The following FNDC1 variants were observed in gnomAD, a reference collection of about 807,000 sequenced individuals.
FNDC1 encodes the protein fibronectin type III domain containing 1, also known as fibronectin type III domain-containing protein 1.
FNDC1 carries 96 observed loss-of-function variants against 168.0 expected under a neutral mutation model. The ratio of observed to expected loss-of-function variants is 0.57; its 90% CI spans 0.48 to 0.68. FNDC1 has a LOEUF of 0.68. Among genes scored for constraint, FNDC1 ranks in the 30% least tolerant of loss-of-function variants. The pLI, the probability that FNDC1 is intolerant of heterozygous loss-of-function variation, is 0.00. For synonymous variants in FNDC1, 1,099 were observed against 1,025.9 expected (o/e 1.07, Z -1.36); for missense variants, 2,587 against 2,482.1 (o/e 1.04, Z -0.90).
intron 1 of FNDC1, among the ~76,000 whole-genome samples, chr6:159,172,807 G>C (rs922766583): frequency 6.6e-6 from 1 of 152,148 alleles, no homozygotes; most frequent in Non-Finnish European, 1.5e-5. Context: ...ATCCAAAAAG[G>C]CTATTGAAAT....
In FNDC1 at chr6:159,233,437, C is replaced by G. The variant is rs756383391; in HGVS notation, c.2925C>G (p.His975Gln). 6.2e-7 allele frequency: 1 copy of G among 1,610,530 alleles called. No homozygotes were observed. The highest frequency in any genetic ancestry group is 8.5e-7 in the Non-Finnish European group (1 of 1,179,210). ...CACAGCCAGGGTCCACAGACCGCCA[C>G]GCGTCCCCTGCTCGTCCGCCCGCAG... ...PKAQPGSTDR[H>Q]ASPARPPAAR... The change falls in exon 11 of 23, where the codon CAC becomes CAG. Residue 975 changes from histidine (H) to glutamine (Q), a missense_variant. Coordinates refer to ENST00000297267, the MANE Select transcript of FNDC1 (RefSeq NM_032532.3). The surrounding 1 kb of genome is among the most constrained non-coding windows in gnomAD (Gnocchi z 4.6).
At chr6:159,219,606 G>C (rs1284058835) in intron 5 of FNDC1, among the ~76,000 whole-genome samples, 2 of 152,146 alleles carry the variant, frequency 1.3e-5, no homozygotes, top group African/African-American at 4.8e-5. Context: ...ATGAAGATGC[G>C]CGCGTGAGAA....
In FNDC1 at chr6:159,232,094, A is replaced by G; in HGVS notation, c.1582A>G (p.Lys528Glu). 1 of 1,613,864 alleles carries G rather than the reference A, an allele frequency of 6.2e-7. No homozygotes were observed. Among genetic ancestry groups the G allele is most frequent in the Non-Finnish European group, 8.5e-7 (1 of 1,179,840 alleles). The change falls in exon 11 of 23, where the codon AAG becomes GAG. Residue 528 changes from lysine to glutamate, a missense_variant. Physicochemically the swap from Lys to Glu is moderately conservative, Grantham distance 56. Coordinates refer to ENST00000297267, the MANE Select transcript of FNDC1 (RefSeq NM_032532.3). This position sits in a 1 kb window ranked among gnomAD's most constrained non-coding sequence, Gnocchi z 4.9. ...GAPRKPQLRA[K>E]KAEELDLQST... The stretch of plus-strand genomic sequence containing the variant: ...GCCCCGAAAACCCCAGCTTCGCGCC[A>G]AGAAGGCAGAGGAGCTGGATCTTCA...
At chr6:159,202,392 T>C (rs1319359255) in intron 4 of FNDC1, among the ~76,000 whole-genome samples, 1 of 152,258 alleles carries the variant, frequency 6.6e-6, no homozygotes, top group Non-Finnish European at 1.5e-5. Flanking sequence ...TTGGAAAATA[T>C]GATCTGCTAT....
Position 159,180,748 on chromosome 6 carries a change from C to T in FNDC1, c.109+11043C>T, listed in dbSNP as rs571662768. Reference sequence around the variant, plus strand: ...ACATGCAGTGTTTGGTTTTCTGTTCCTGTATTAGTTTGCTGAGGATAATGG... The same window carrying T: ...ACATGCAGTGTTTGGTTTTCTGTTCTTGTATTAGTTTGCTGAGGATAATGG... On this transcript the variant is annotated intron_variant, in intron 1 of 22. Transcript: ENST00000297267. Among the ~76,000 whole-genome samples the T allele has an allele frequency of 5.3e-5, 8 of 152,166 alleles. No homozygotes were observed. The South Asian group carries it at 1.7e-3, about 32-fold the overall frequency.
rs77296931 is a variant in FNDC1, at chr6:159,250,734, C to G, written c.4835-568C>G. Reference sequence around the variant, plus strand: ...TTCAGCCATCTGTAAATGTGAGTAGCTATTGTTATACTGAGTAGTAATGTT... The same window carrying G: ...TTCAGCCATCTGTAAATGTGAGTAGGTATTGTTATACTGAGTAGTAATGTT... On this transcript the variant is annotated intron_variant, in intron 16 of 22. Transcript: ENST00000297267. Among the ~76,000 whole-genome samples, 1,439 of 152,276 alleles carry G rather than the reference C, an allele frequency of 9.4e-3. 24 individuals carry two copies. Among genetic ancestry groups the G allele is most frequent in the African/African-American group, 0.033 (1,375 of 41,522 alleles).
At chr6:159,266,760 C>T (rs958212230) in intron 21 of FNDC1, among the ~76,000 whole-genome samples, 5 of 150,538 alleles carry the variant, frequency 3.3e-5, no homozygotes, top group African/African-American at 4.9e-5. Context: ...AAAGTTTCCT[C>T]TCCAGCCCCT....
At chr6:159,224,793 A>T (rs1782917722) in intron 7 of FNDC1, among the ~76,000 whole-genome samples, 1 of 152,202 alleles carries the variant, frequency 6.6e-6, no homozygotes, top group Non-Finnish European at 1.5e-5. Flanking sequence ...TAATGTATCA[A>T]ATGCTTTCTA....
chr6:159,251,440 C>T lies in FNDC1; in HGVS notation c.4973C>T (p.Ala1658Val), dbSNP rs749349352. The change falls in exon 17 of 23, where the codon GCT becomes GTT. Residue 1658 changes from alanine to valine, a missense_variant. Physicochemically the swap from Ala to Val is moderately conservative, Grantham distance 64 (BLOSUM62 0). Transcript: ENST00000297267. Reference protein sequence around the residue: ...LKKSDLPPQHAPRNITVVAVE... With the variant: ...LKKSDLPPQHVPRNITVVAVE... ...AAGAGTGACCTGCCTCCCCAGCATG[C>T]TCCCCGCAACATCACCGTGGTGGCC... The T allele has an allele frequency of 6.2e-6, 10 of 1,613,948 alleles. No individual in the cohort carries two copies. The highest frequency in any genetic ancestry group is 5.0e-5 in the Admixed American group (3 of 60,016).
In FNDC1 at chr6:159,247,054, G is replaced by A. The variant is rs6935582; in HGVS notation, c.4690+85G>A. On this transcript the variant is annotated intron_variant, in intron 15 of 22. Transcript: ENST00000297267. ...TTGTAACTATTGAGTGGATGATCTT[G>A]ATGGAAGTTTCCTTTAGAGCTTTGG... 1,936 of 1,069,282 alleles carry A rather than the reference G, an allele frequency of 1.8e-3. 28 individuals carry two copies. In the African/African-American group the frequency reaches 0.026, roughly 15 times the overall value. 66.2% of individuals were successfully genotyped at this position (1,069,282 alleles called of 1,614,324 possible).
chr6:159,232,062 G>A lies in FNDC1; in HGVS notation c.1550G>A (p.Gly517Asp). The change falls in exon 11 of 23, where the codon GGT (glycine) becomes GAT (aspartate). Residue 517 changes from glycine to aspartate, a missense_variant. By Grantham distance (94) the Gly-to-Asp change is moderately conservative. Coordinates refer to ENST00000297267, the MANE Select transcript of FNDC1 (RefSeq NM_032532.3). The surrounding 1 kb of genome is among the most constrained non-coding windows in gnomAD (Gnocchi z 4.9). ...LDLKNKILAN[G>D]GAPRKPQLRA... ...TTGAAGAACAAAATATTGGCTAATG[G>A]TGGGGCGCCCCGAAAACCCCAGCTT... 2 of 1,613,860 alleles carry A rather than the reference G, an allele frequency of 1.2e-6. No individual in the cohort carries two copies. The highest frequency in any genetic ancestry group is 1.6e-4 in the Middle Eastern group (1 of 6,062).
chr6:159,262,457 G>C (rs2115028031), intron 19 of FNDC1, among the ~76,000 whole-genome samples: 1 of 152,342 alleles, frequency 6.6e-6, no homozygotes, highest in Admixed American at 6.5e-5. Flanking sequence ...ATATGTTTCT[G>C]TTAGTAATTA....
chr6:159,186,865 A>T (rs1227495045), intron 1 of FNDC1, among the ~76,000 whole-genome samples: 1 of 152,256 alleles, frequency 6.6e-6, no homozygotes, highest in Non-Finnish European at 1.5e-5. Context: ...ATGATGAAGA[A>T]AAAATGTGAT....
rs1273902213 is a variant in FNDC1 at position 159,249,612 on chromosome 6, G to A, written c.4834+430G>A. 2.0e-5 allele frequency among the ~76,000 whole-genome samples: 3 copies of A among 152,192 alleles called. No homozygotes were observed. The East Asian group carries it at 5.8e-4, about 29-fold the overall frequency. Reference sequence around the variant, plus strand: ...CCACTAGTGCCTATAATGTCATGAAGGGGAAGCTTTTTTCTTTAGTTATTT... The same window carrying A: ...CCACTAGTGCCTATAATGTCATGAAAGGGAAGCTTTTTTCTTTAGTTATTT... On this transcript the variant is annotated intron_variant, in intron 16 of 22. Transcript: ENST00000297267.
At chr6:159,175,702 C>T (rs768316222) in intron 1 of FNDC1, among the ~76,000 whole-genome samples, 3 of 152,194 alleles carry the variant, frequency 2.0e-5, no homozygotes, top group Non-Finnish European at 2.9e-5. Context: ...GCCCCCTTTC[C>T]TTGGTGGTCC....
At chr6:159,177,498 G>A (rs1252653324) in intron 1 of FNDC1, among the ~76,000 whole-genome samples, 1 of 152,092 alleles carries the variant, frequency 6.6e-6, no homozygotes, top group Non-Finnish European at 1.5e-5. Context: ...TGTCCTAGGA[G>A]CTCAGGAGAA....
intron 12 of FNDC1, 122 bp from the exon 13 acceptor site, chr6:159,238,432 G>A (rs1280597464): frequency 9.5e-6 from 6 of 630,334 alleles, no homozygotes; most frequent in African/African-American, 7.4e-5. Context: ...CAAAAAGAAT[G>A]TCTTCTACTC....
intron 7 of FNDC1, among the ~76,000 whole-genome samples, chr6:159,224,540 A>C (rs1217231915): frequency 2.0e-5 from 3 of 152,226 alleles, no homozygotes; most frequent in Non-Finnish European, 2.9e-5. Flanking sequence ...ACTGTCTGCT[A>C]GTAAAAAAGA....
intron 14 of FNDC1, chr6:159,240,643 G>C (rs930574702): frequency 6.6e-6 from 1 of 152,316 alleles, no homozygotes; most frequent in Non-Finnish European, 1.5e-5. Flanking sequence ...TGCCGCCCCT[G>C]ATGTAAGTCT....
Sources: allele counts gnomAD v4.1 joint callset (sites outside exome capture counted in the v4.1 genomes callset), GRCh38; gene constraint gnomAD v4.1.1; non-coding constraint Gnocchi (gnomAD v3.1); transcripts MANE v1.5; gene names NCBI Gene and HGNC (gene_info 2026-07-23, HGNC 2026-07-21).